ACBD5: variants seen among roughly 807,000 people sequenced by gnomAD.
ACBD5 encodes acyl-CoA-binding domain-containing protein 5.
A neutral mutation model predicts 71.8 loss-of-function variants in ACBD5; 40 were observed. That is an observed-to-expected ratio of 0.56 (90% CI 0.43 to 0.72). The LOEUF (loss-of-function observed/expected upper bound fraction) is 0.72, where lower values mean the gene tolerates loss of function less well. Ranked by LOEUF, ACBD5 falls within the 30% of genes least tolerant of loss-of-function variation. The probability of loss-of-function intolerance (pLI) is 0.00; values close to 1 mark genes in which losing one functional copy is unlikely to be tolerated. For missense variants in ACBD5, 559 were observed against 644.5 expected, an observed-to-expected ratio of 0.87 and a Z score of 1.44; for synonymous variants, 229 against 218.6, an observed-to-expected ratio of 1.05 and a Z score of -0.42.
intron 13 of ACBD5, chr10:27,186,858 T>C (rs2058790095): frequency 3.0e-6 from 1 of 336,380 alleles, no homozygotes; most frequent in Non-Finnish European, 5.6e-6. Context: ...ATTTTCTTTC[T>C]CCTCTGATTT....
chr10:27,237,162 C>T (rs1269012841), intron 2 of ACBD5, among the ~76,000 whole-genome samples: 2 of 151,972 alleles, frequency 1.3e-5, no homozygotes, highest in Admixed American at 1.3e-4. Flanking sequence ...AGTCTAATCT[C>T]AAAATATCTT....
rs78242371 is a variant in ACBD5 at position 27,236,355 on chromosome 10, T to C, written c.182-1143A>G. Among the ~76,000 whole-genome samples the C allele has an allele frequency of 4.2e-3, 638 of 152,188 alleles. 4 individuals are homozygous for C. Among genetic ancestry groups the C allele is most frequent in the Middle Eastern group, 0.014 (4 of 294 alleles). On this transcript the variant is annotated intron_variant, in intron 2 of 12. Transcript: ENST00000396271. ...GAAAAATAAGTTTAAAAACAACATA[T>C]GTAATATGATACCTTTTGGCAAAAT...
At chr10:27,229,664 T>C (rs1271506129) in intron 4 of ACBD5, among the ~76,000 whole-genome samples, 1 of 152,234 alleles carries the variant, frequency 6.6e-6, no homozygotes, top group African/African-American at 2.4e-5. Context: ...TTTGGGATAA[T>C]GTACTATCCC....
At chr10:27,186,647 T>C in intron 13 of ACBD5, 1 of 1,004,418 alleles carries the variant, frequency 1.0e-6, no homozygotes, top group South Asian at 1.3e-5. Flanking sequence ...TTTAACCTAG[T>C]TCAATGTGCT....
chr10:27,231,528 A>G (rs903171740), intron 4 of ACBD5, among the ~76,000 whole-genome samples: 1 of 152,210 alleles, frequency 6.6e-6, no homozygotes, highest in Non-Finnish European at 1.5e-5. Context: ...AAACAAAAAC[A>G]AAATAAAACA....
chr10:27,206,265 G>C (rs1564582778), intron 10 of ACBD5, among the ~76,000 whole-genome samples: 1 of 150,952 alleles, frequency 6.6e-6, no homozygotes, highest in Non-Finnish European at 1.5e-5. Context: ...AATTTTAGCA[G>C]AATTTCAATA....
intron 8 of ACBD5, among the ~76,000 whole-genome samples, chr10:27,213,959 CATATACACGACAGAGTACT>C: frequency 6.6e-6 from 1 of 152,172 alleles, no homozygotes; most frequent in East Asian, 1.9e-4. Context: ...AAATGTGGTA[CATATACACGACAGAGTACT>C]ATTCTACCAT....
At chr10:27,219,983 T>G (rs2062129629) in intron 5 of ACBD5, 126 bp from the exon 6 acceptor site, 2 of 667,160 alleles carry the variant, frequency 3.0e-6, no homozygotes, top group Non-Finnish European at 2.1e-6. Flanking sequence ...GTTATATATA[T>G]AATAGTATTA....
chr10:27,236,188 G>A (rs1268778406), intron 2 of ACBD5, among the ~76,000 whole-genome samples: 5 of 151,536 alleles, frequency 3.3e-5, no homozygotes, highest in African/African-American at 1.2e-4. Flanking sequence ...CTGAAAAATT[G>A]GAATGTTAAT....
chr10:27,205,358 G>A, intron 10 of ACBD5, 110 bp from the exon 11 acceptor site: 1 of 1,114,382 alleles, frequency 9.0e-7, no homozygotes, highest in East Asian at 2.6e-5. Context: ...TTTTTTGGTT[G>A]CTTTTGTTTT....
intron 13 of ACBD5, among the ~76,000 whole-genome samples, chr10:27,183,866 C>G (rs942105470): frequency 2.0e-5 from 3 of 152,058 alleles, no homozygotes; most frequent in Admixed American, 2.0e-4. Context: ...TGCACACTAC[C>G]ACACCCAGCT....
In ACBD5 at chr10:27,195,415, T is replaced by A; in HGVS notation, c.*2015A>T. On this transcript the variant is annotated 3_prime_UTR_variant, in exon 13 of 13. Transcript: ENST00000396271. ...CTTTTCAAACTATAAAATAAGACTTTGGAACAGGATAGAAATGGTTATCCC... is the reference window on the plus strand; with the variant it reads ...CTTTTCAAACTATAAAATAAGACTTAGGAACAGGATAGAAATGGTTATCCC... 2.2e-6 allele frequency: 1 copy of A among 454,518 alleles called. No individual in the cohort carries two copies. The highest frequency in any genetic ancestry group is 4.4e-6 in the Non-Finnish European group (1 of 226,786). 28.2% of individuals were successfully genotyped at this position (454,518 alleles called of 1,614,324 possible). A position where few individuals can be genotyped will look rare whatever the true frequency, so the allele number is the denominator to read the frequency against.
rs2062107865 is a variant in ACBD5, at chr10:27,219,811, A to G, written c.537T>C (p.Asn179=). The G allele has an allele frequency of 1.2e-6, 2 of 1,613,996 alleles. No homozygotes were observed. The highest frequency in any genetic ancestry group is 1.3e-5 in the African/African-American group (1 of 74,902). Residue 179 remains asparagine, a synonymous_variant, in exon 6 of 13, where the codon AAT becomes AAC. Coordinates refer to ENST00000396271, the MANE Select transcript of ACBD5 (RefSeq NM_145698.5). ...CACTGTCACTGCTTTCAGCTTTACC[A>G]TTAACGGTTTTGGCGTTTGGAGTAG... ...LTSTPNAKTV[N]GKAESSDSGA...
downstream of ACBD5, among the ~76,000 whole-genome samples, chr10:27,191,752 T>TCAC (rs904373995): frequency 2.6e-5 from 4 of 152,044 alleles, no homozygotes; most frequent in African/African-American, 9.7e-5. Flanking sequence ...GGGTGTGTGG[T>TCAC]GGTGGGTGCT....
chr10:27,199,578 A>G (rs1408569844), intron 12 of ACBD5, among the ~76,000 whole-genome samples: 1 of 152,198 alleles, frequency 6.6e-6, no homozygotes, highest in Non-Finnish European at 1.5e-5. Flanking sequence ...ATGCTGCTCT[A>G]GCTGCACTGC....
chr10:27,209,895 T>C (rs1399533378), intron 9 of ACBD5, among the ~76,000 whole-genome samples: 1 of 152,214 alleles, frequency 6.6e-6, no homozygotes, highest in Non-Finnish European at 1.5e-5. Flanking sequence ...TCAACCATTC[T>C]CCACTTTTGG....
chr10:27,225,281 C>T (rs916952760), intron 4 of ACBD5, among the ~76,000 whole-genome samples: 1 of 152,106 alleles, frequency 6.6e-6, no homozygotes, highest in African/African-American at 2.4e-5. Context: ...CTGCGCCTGG[C>T]CAAAACCCTA....
chr10:27,217,832 C>G (rs1480504457), intron 7 of ACBD5, 148 bp downstream of exon 7: 5 of 820,486 alleles, frequency 6.1e-6, no homozygotes, highest in Non-Finnish European at 9.4e-6. Flanking sequence ...CACTCTTTTT[C>G]AAAACTATAA....
intron 4 of ACBD5, among the ~76,000 whole-genome samples, chr10:27,228,512 C>T (rs925334678): frequency 6.6e-6 from 1 of 151,372 alleles, no homozygotes; most frequent in Non-Finnish European, 1.5e-5. Context: ...AGGAGGCGGA[C>T]GTTGCAGTGA....
Sources: allele counts gnomAD v4.1 joint callset (sites outside exome capture counted in the v4.1 genomes callset), GRCh38; gene constraint gnomAD v4.1.1; transcripts MANE v1.5; gene names NCBI Gene and HGNC (gene_info 2026-07-23, HGNC 2026-07-21).